CCSER1: variants seen among roughly 807,000 people sequenced by gnomAD.
CCSER1 encodes the protein coiled-coil serine rich protein 1, also known as serine-rich coiled-coil domain-containing protein 1.
CCSER1 carries 41 observed loss-of-function variants against 82.0 expected under a neutral mutation model. The ratio of observed to expected loss-of-function variants is 0.50; its 90% CI spans 0.39 to 0.65. CCSER1 has a LOEUF of 0.65. Among genes scored for constraint, CCSER1 ranks in the 30% least tolerant of loss-of-function variants. The probability of loss-of-function intolerance (pLI) is 0.00; values close to 1 mark genes in which losing one functional copy is unlikely to be tolerated. For missense variants in CCSER1, 1,119 were observed against 1,064.2 expected (o/e 1.05, Z -0.72); for synonymous variants, 414 against 383.9 (o/e 1.08, Z -0.92).
chr4:91,539,792 A>C (rs1578734631), intron 10 of CCSER1, among the ~76,000 whole-genome samples: 1 of 152,138 alleles, frequency 6.6e-6, no homozygotes, highest in East Asian at 1.9e-4. Flanking sequence ...TTTACTTACT[A>C]CATCTTTAAT....
intron 10 of CCSER1, among the ~76,000 whole-genome samples, chr4:91,495,533 G>C (rs1448314574): frequency 6.6e-6 from 1 of 151,106 alleles, no homozygotes; most frequent in Non-Finnish European, 1.5e-5. Flanking sequence ...TAAAAAAAAA[G>C]CAATATGATA....
At chr4:90,371,137 G>A (rs1381680770) in intron 3 of CCSER1, among the ~76,000 whole-genome samples, 1 of 149,624 alleles carries the variant, frequency 6.7e-6, no homozygotes, top group Non-Finnish European at 1.5e-5. Context: ...CTGCATATAG[G>A]TTTATATGTT....
chr4:90,309,841 AT>A (rs1455448424), intron 2 of CCSER1, among the ~76,000 whole-genome samples: 42 of 152,046 alleles, frequency 2.8e-4, no homozygotes, highest in African/African-American at 8.9e-4. Flanking sequence ...TTTCTCACTT[AT>A]GTTATCCATA....
chr4:91,009,576 C>G (rs1188796572), intron 9 of CCSER1, among the ~76,000 whole-genome samples: 2 of 152,088 alleles, frequency 1.3e-5, no homozygotes, highest in Middle Eastern at 3.2e-3. Context: ...CTCTTTCCCC[C>G]CTTTATTACT....
At chr4:91,182,653 G>A (rs1261522095) in intron 10 of CCSER1, among the ~76,000 whole-genome samples, 1 of 152,152 alleles carries the variant, frequency 6.6e-6, no homozygotes, top group Non-Finnish European at 1.5e-5. Context: ...ATAGCCTGGG[G>A]CATTATCTGT....
chr4:91,563,665 C>T (rs1182979570), intron 10 of CCSER1, among the ~76,000 whole-genome samples: 1 of 151,782 alleles, frequency 6.6e-6, no homozygotes, highest in East Asian at 1.9e-4. Flanking sequence ...ACTCTTGTCA[C>T]TTCTGTTCAA....
At chr4:91,543,846 C>G (rs1004068521) in intron 10 of CCSER1, among the ~76,000 whole-genome samples, 1 of 152,148 alleles carries the variant, frequency 6.6e-6, no homozygotes, top group Non-Finnish European at 1.5e-5. Flanking sequence ...GAATGTTGGC[C>G]TACCTTGCTT....
intron 5 of CCSER1, among the ~76,000 whole-genome samples, chr4:90,516,369 A>G (rs973600823): frequency 6.6e-6 from 1 of 152,188 alleles, no homozygotes; most frequent in African/African-American, 2.4e-5. Context: ...GGATACAGGC[A>G]TTATTTAAGG....
At chr4:90,871,827 T>C (rs1766544229) in intron 8 of CCSER1, among the ~76,000 whole-genome samples, 1 of 151,850 alleles carries the variant, frequency 6.6e-6, no homozygotes, top group African/African-American at 2.4e-5. Context: ...TATTTGCTTG[T>C]TTATCTGGGT....
At chr4:90,228,388 T>TC (rs1743687220) in intron 1 of CCSER1, among the ~76,000 whole-genome samples, 1 of 152,064 alleles carries the variant, frequency 6.6e-6, no homozygotes, top group South Asian at 2.1e-4. Context: ...GGCTGGGTAC[T>TC]CCAACAGACC....
At chr4:90,760,931 G>A (rs1750325709) in intron 7 of CCSER1, among the ~76,000 whole-genome samples, 2 of 152,054 alleles carry the variant, frequency 1.3e-5, no homozygotes, top group South Asian at 4.1e-4. Context: ...GGAATAAAGA[G>A]TAAGTTATAC....
intron 10 of CCSER1, among the ~76,000 whole-genome samples, chr4:91,194,123 C>A (rs996156600): frequency 6.6e-6 from 1 of 152,178 alleles, no homozygotes; most frequent in African/African-American, 2.4e-5. Flanking sequence ...GCATGCACCA[C>A]CACACCGAGC....
At chr4:90,744,666 A>G (rs761339549) in intron 7 of CCSER1, among the ~76,000 whole-genome samples, 6 of 152,160 alleles carry the variant, frequency 3.9e-5, no homozygotes, top group Non-Finnish European at 7.4e-5. Context: ...CCGATGGGCA[A>G]GCAGGCATTA....
At chr4:90,476,210 T>G (rs1765082099) in intron 5 of CCSER1, among the ~76,000 whole-genome samples, 1 of 152,116 alleles carries the variant, frequency 6.6e-6, no homozygotes, top group African/African-American at 2.4e-5. Flanking sequence ...CTGTGTCACA[T>G]CCCTTCTCCA....
At chr4:90,205,770 T>C (rs1411875579) in intron 1 of CCSER1, among the ~76,000 whole-genome samples, 2 of 152,224 alleles carry the variant, frequency 1.3e-5, no homozygotes, top group Non-Finnish European at 2.9e-5. Flanking sequence ...TCAAAAGTAA[T>C]GGTACCAGCT....
At chr4:91,467,988 CATCCTATTACTGGGTAT>C (rs1288522705) in intron 10 of CCSER1, among the ~76,000 whole-genome samples, 1 of 152,106 alleles carries the variant, frequency 6.6e-6, no homozygotes, top group Non-Finnish European at 1.5e-5. Flanking sequence ...TTGACCCAGC[CATCCTATTACTGGGTAT>C]ATACCCAAAG....
rs570269198 is a variant in CCSER1, at chr4:90,854,250, T to C, written c.2094+38405T>C. Among the ~76,000 whole-genome samples, 27 of 152,316 alleles carry C rather than the reference T, an allele frequency of 1.8e-4. No individual in the cohort carries two copies. The South Asian group carries it at 5.0e-3, about 28-fold the overall frequency. On this transcript the variant is annotated intron_variant, in intron 8 of 10. Coordinates refer to ENST00000509176, the MANE Select transcript of CCSER1 (RefSeq NM_001145065.2). ...TAGATCTTGAGGAAAGGGTAGTCTT[T>C]AGTTACAAGGTAAACCAGTTTGGCT... is the stretch of plus-strand genomic sequence containing the variant.
intron 9 of CCSER1, among the ~76,000 whole-genome samples, chr4:91,057,950 T>C (rs909258411): frequency 6.6e-6 from 1 of 152,184 alleles, no homozygotes; most frequent in Non-Finnish European, 1.5e-5. Flanking sequence ...GTAACACTTA[T>C]GACAAATCTG....
At chr4:90,247,676 T>G (rs771554996) in intron 1 of CCSER1, among the ~76,000 whole-genome samples, 1 of 152,108 alleles carries the variant, frequency 6.6e-6, no homozygotes, top group Non-Finnish European at 1.5e-5. Flanking sequence ...TAGTATAATG[T>G]AAATCCAGAC....
Sources: gnomAD v4.1 joint callset for allele counts (sites outside exome capture counted in the v4.1 genomes callset) on GRCh38, gnomAD v4.1.1 for gene constraint, MANE v1.5 for transcripts, NCBI Gene and HGNC (gene_info 2026-07-23, HGNC 2026-07-21) for gene names.